Variants in SARDH observed in about 807,000 individuals in gnomAD.
SARDH encodes the protein sarcosine dehydrogenase, also known as sarcosine dehydrogenase, mitochondrial.
SARDH carries 95 observed loss-of-function variants against 109.1 expected under a neutral mutation model. That is an observed-to-expected ratio of 0.87 (90% CI 0.74 to 1.03). SARDH has a LOEUF of 1.03. SARDH is among the 50% of genes least tolerant of loss of function. SARDH has a pLI of 0.00. For synonymous variants in SARDH, 572 were observed against 534.8 expected, an observed-to-expected ratio of 1.07 and a Z score of -0.96; for missense variants, 1,267 against 1,287.8, an observed-to-expected ratio of 0.98 and a Z score of 0.25.
intron 10 of SARDH, among the ~76,000 whole-genome samples, chr9:133,710,287 A>G (rs1473518516): frequency 6.6e-6 from 1 of 152,232 alleles, no homozygotes; most frequent in African/African-American, 2.4e-5. Flanking sequence ...CGACTGACCA[A>G]GGGCCATGCA....
intron 17 of SARDH, among the ~76,000 whole-genome samples, chr9:133,673,531 T>C (rs1830420445): frequency 6.6e-6 from 1 of 152,188 alleles, no homozygotes; most frequent in African/African-American, 2.4e-5. Context: ...CTTATAAACC[T>C]GACACTTTAA....
At chr9:133,734,488 G>A (rs945421893) in intron 1 of SARDH, among the ~76,000 whole-genome samples, 12 of 149,948 alleles carry the variant, frequency 8.0e-5, no homozygotes, top group Admixed American at 7.2e-4. Flanking sequence ...CATTCTGTGT[G>A]TATGTATTAA....
Position 133,663,936 on chromosome 9 carries a change from TC to T in SARDH, c.2709del (p.Lys904SerfsTer11). Reference protein sequence around the residue: ...MGVTYGAQAHLKSPFDPNNKR... With the variant: ...MGVTYGAQAHXKSPFDPNNKR... ...TTGTTGTTGGGGTCGAAGGGCGACT[TC>T]AGGTGAGCCTGGGCACCATAGGTCA... On this transcript the variant is annotated frameshift_variant, in exon 21 of 21. Transcript: ENST00000439388. LOFTEE classifies it high-confidence loss of function. The T allele has an allele frequency of 6.2e-7, 1 of 1,614,156 alleles. No individual in the cohort carries two copies. Among genetic ancestry groups the T allele is most frequent in the Non-Finnish European group, 8.5e-7 (1 of 1,180,004 alleles).
In SARDH at chr9:133,730,133, C is replaced by G; in HGVS notation, c.745G>C (p.Val249Leu). 1 of 1,614,232 alleles carries G rather than the reference C, an allele frequency of 6.2e-7. No individual in the cohort carries two copies. Among genetic ancestry groups the G allele is most frequent in the Admixed American group, 1.7e-5 (1 of 60,034 alleles). Residue 249 changes from valine (V) to leucine (L), a missense_variant, in exon 5 of 21, where the codon GTG becomes CTG. Transcript: ENST00000439388. ...GTCTCCACACCCGCGACCCGCCGCA[C>G]CCCAAAATCATCCGTCCACACACGA... ...GIRVWTDDFG[V>L]RRVAGVETQH...
At chr9:133,699,738 A>G (rs1016194542) in intron 13 of SARDH, among the ~76,000 whole-genome samples, 5 of 152,154 alleles carry the variant, frequency 3.3e-5, no homozygotes, top group African/African-American at 2.4e-5. Context: ...GTTGGCGAGG[A>G]TGTGGAGACA....
At position 133,675,927 on chromosome 9, in the gene SARDH, C is replaced by CA. The variant is rs34896305; in HGVS notation, c.2164-4231dup. On this transcript the variant is annotated intron_variant, in intron 17 of 20. Coordinates refer to ENST00000439388, the MANE Select transcript of SARDH (RefSeq NM_001134707.2). ...GCAACATAGGGAGGCCCTGTCTCTA[C>CA]AAAAAAAATTTTAGAATTAGCTGGG... 2.6e-5 allele frequency among the ~76,000 whole-genome samples: 4 copies of CA among 151,748 alleles called. No individual in the cohort carries two copies. In the South Asian group the frequency reaches 6.2e-4, roughly 24 times the overall value.
Position 133,704,891 on chromosome 9 carries a change from C to A in SARDH, c.1554+57G>T. On this transcript the variant is annotated intron_variant, in intron 12 of 20. Transcript: ENST00000439388. This position sits in a 1 kb window ranked among gnomAD's most constrained non-coding sequence, Gnocchi z 4.5. ...GGCAAGGACGGGGCACGTGGAGGGG[C>A]AAGGGGGTTGTCAGGGCAGGGCCTC... is the stretch of plus-strand genomic sequence containing the variant. 6.8e-7 allele frequency: 1 copy of A among 1,469,726 alleles called. No individual in the cohort carries two copies. Among genetic ancestry groups the A allele is most frequent in the African/African-American group, 1.4e-5 (1 of 71,800 alleles). The allele number at this position is 1,469,726 out of a possible 1,614,324, so 91.0% of individuals were successfully genotyped here.
Position 133,737,358 on chromosome 9 carries a change from T to A in SARDH, c.-31+896A>T, listed in dbSNP as rs1047427668. The stretch of plus-strand genomic sequence containing the variant: ...GTCCTCAGCCTCTCAGCCCTCAGTG[T>A]GTCAGCCCGCCTGGCTCCTGCCTGC... On this transcript the variant is annotated intron_variant, in intron 1 of 20. Transcript: ENST00000439388. Among the ~76,000 whole-genome samples, 6 of 152,186 alleles carry A rather than the reference T, an allele frequency of 3.9e-5. No individual in the cohort carries two copies. The East Asian group carries it at 1.2e-3, about 29-fold the overall frequency.
chr9:133,722,651 C>T (rs1023597992), intron 6 of SARDH, among the ~76,000 whole-genome samples: 3 of 46,048 alleles, frequency 6.5e-5, no homozygotes, highest in Non-Finnish European at 1.8e-4. Context: ...CGCTCTCTCT[C>T]TCTCTCTCTC....
At chr9:133,737,430 C>G (rs1238296353) in intron 1 of SARDH, among the ~76,000 whole-genome samples, 1 of 152,186 alleles carries the variant, frequency 6.6e-6, no homozygotes, top group Non-Finnish European at 1.5e-5. Flanking sequence ...TGTGTCTGTA[C>G]ATACCTTCAG....
At chr9:133,720,955 A>G (rs1832303738) in intron 6 of SARDH, among the ~76,000 whole-genome samples, 1 of 152,250 alleles carries the variant, frequency 6.6e-6, no homozygotes, top group Non-Finnish European at 1.5e-5. Context: ...GGCTGGGGCC[A>G]TCATCCAGCG....
At position 133,704,177 on chromosome 9, in the gene SARDH, C is replaced by T. The variant is rs920476358; in HGVS notation, c.1554+771G>A. Among the ~76,000 whole-genome samples, 2 of 152,126 alleles carry T rather than the reference C, an allele frequency of 1.3e-5. No homozygotes were observed. Among genetic ancestry groups the T allele is most frequent in the Non-Finnish European group, 2.9e-5 (2 of 68,006 alleles). ...CCAGAGCCGTGGCCCCGTTAGCCAG[C>T]TCTGGCTCTCATCTCCCCTCCCGAT... is the stretch of plus-strand genomic sequence containing the variant. On this transcript the variant is annotated intron_variant, in intron 12 of 20. Coordinates refer to ENST00000439388, the MANE Select transcript of SARDH (RefSeq NM_001134707.2). The surrounding 1 kb of genome is among the most constrained non-coding windows in gnomAD (Gnocchi z 4.5).
intron 17 of SARDH, among the ~76,000 whole-genome samples, chr9:133,677,857 C>T (rs571309490): frequency 1.4e-4 from 22 of 152,240 alleles, no homozygotes; most frequent in Admixed American, 1.2e-3. Flanking sequence ...GGGGCTCAGA[C>T]TCCTGGACTA....
At chr9:133,719,365 C>T (rs1832241736) in intron 6 of SARDH, among the ~76,000 whole-genome samples, 1 of 152,146 alleles carries the variant, frequency 6.6e-6, no homozygotes, top group Non-Finnish European at 1.5e-5. Context: ...AGAGAACAGG[C>T]AGAGGCAGCA....
At chr9:133,694,426 C>T in intron 14 of SARDH, 55 bp from the exon 15 acceptor site, 1 of 1,424,658 alleles carries the variant, frequency 7.0e-7, no homozygotes. Context: ...CGGGTCTGTG[C>T]TGCCTCAGTT....
chr9:133,733,693 C>T (rs1332133257), intron 2 of SARDH, 150 bp downstream of exon 2: 12 of 688,762 alleles, frequency 1.7e-5, no homozygotes, highest in East Asian at 6.7e-5. Context: ...CCCCCAGCTC[C>T]GCCCACCTGC....
intron 11 of SARDH, among the ~76,000 whole-genome samples, chr9:133,707,817 G>C (rs1316873786): frequency 6.6e-6 from 1 of 152,186 alleles, no homozygotes; most frequent in African/African-American, 2.4e-5. Context: ...AGGGGCACCT[G>C]ACAGTGGGTT....
Position 133,671,544 on chromosome 9 carries a change from T to C in SARDH, c.2317A>G (p.Ile773Val). Residue 773 changes from isoleucine to valine, a missense_variant, in exon 18 of 21, where the codon ATT (isoleucine) becomes GTT (valine). Coordinates refer to ENST00000439388, the MANE Select transcript of SARDH (RefSeq NM_001134707.2). ...CAGACCCTGCACTCACCTTTCTCAA[T>C]GCTCAGGGAGTCGATGGCGCGGTAC... ...AGYRAIDSLSIEKGYRHWHAD... is the reference protein window; with the variant it reads ...AGYRAIDSLSVEKGYRHWHAD... 1 of 1,605,976 alleles carries C rather than the reference T, an allele frequency of 6.2e-7. No homozygotes were observed. The highest frequency in any genetic ancestry group is 1.1e-5 in the South Asian group (1 of 89,820).
rs1830880905 is a variant in SARDH at position 133,686,228 on chromosome 9, T to G, written c.2070-942A>C. On this transcript the variant is annotated intron_variant, in intron 16 of 20. Coordinates refer to ENST00000439388, the MANE Select transcript of SARDH (RefSeq NM_001134707.2). This position sits in a 1 kb window ranked among gnomAD's most constrained non-coding sequence, Gnocchi z 4.0. The stretch of plus-strand genomic sequence containing the variant: ...GCTCCGTGGTACCCAGCACCACATC[T>G]ACTCTCACACTTGCGCAAGTACCGG... 6.6e-6 allele frequency among the ~76,000 whole-genome samples: 1 copy of G among 151,970 alleles called. No individual in the cohort carries two copies. Among genetic ancestry groups the G allele is most frequent in the Non-Finnish European group, 1.5e-5 (1 of 67,968 alleles).
Sources: gnomAD v4.1 joint callset for allele counts (sites outside exome capture counted in the v4.1 genomes callset) on GRCh38, gnomAD v4.1.1 for gene constraint, Gnocchi (gnomAD v3.1) non-coding constraint, MANE v1.5 for transcripts, NCBI Gene and HGNC (gene_info 2026-07-23, HGNC 2026-07-21) for gene names.